The following PLEKHG1 variants were observed in gnomAD, a reference collection of about 807,000 sequenced individuals.
PLEKHG1 encodes the protein pleckstrin homology domain-containing family G member 1.
In PLEKHG1, 44 loss-of-function variants were observed where a neutral mutation model predicts 100.8. The observed-to-expected ratio is 0.44, with a 90% CI of 0.34 to 0.56. The LOEUF (loss-of-function observed/expected upper bound fraction) is 0.56. PLEKHG1 is among the 20% of genes least tolerant of loss of function. The pLI, the probability that PLEKHG1 is intolerant of heterozygous loss-of-function variation, is 0.01. For synonymous variants in PLEKHG1, 640 were observed against 662.5 expected (o/e 0.97, Z 0.52); for missense variants, 1,545 against 1,720.9 (o/e 0.90, Z 1.81).
chr6:150,686,093 C>G (rs1012431516), intron 3 of PLEKHG1, among the ~76,000 whole-genome samples: 1 of 152,228 alleles, frequency 6.6e-6, no homozygotes, highest in African/African-American at 2.4e-5. Flanking sequence ...GCACCTGGCA[C>G]CTGACCAGTA....
Position 150,614,995 on chromosome 6 carries a change from G to A in PLEKHG1, c.-204+14978G>A, listed in dbSNP as rs111405973. Among the ~76,000 whole-genome samples, 12 of 152,260 alleles carry A rather than the reference G, an allele frequency of 7.9e-5. No individual in the cohort carries two copies. In the South Asian group the frequency reaches 8.3e-4, roughly 11 times the overall value. On this transcript the variant is annotated intron_variant, in intron 1 of 3. Coordinates refer to the PLEKHG1 transcript ENST00000367326. ...TAGAGCTGTATTCCTAAAAACCTCCGAATGAATGACCGAATTACCCTTTAG... is the reference window on the plus strand; with the variant it reads ...TAGAGCTGTATTCCTAAAAACCTCCAAATGAATGACCGAATTACCCTTTAG...
intron 3 of PLEKHG1, among the ~76,000 whole-genome samples, chr6:150,659,375 G>C (rs1367882308): frequency 6.6e-6 from 1 of 152,134 alleles, no homozygotes; most frequent in Non-Finnish European, 1.5e-5. Context: ...ATTGGAGTCA[G>C]TGTGAAAGGA....
chr6:150,680,256 A>G (rs1779887717), intron 3 of PLEKHG1, among the ~76,000 whole-genome samples: 1 of 152,210 alleles, frequency 6.6e-6, no homozygotes, highest in African/African-American at 2.4e-5. Flanking sequence ...CAAGTGAATT[A>G]AGAAGTAAAG....
At chr6:150,744,463 AAAAC>A (rs1783044407) in intron 2 of PLEKHG1, among the ~76,000 whole-genome samples, 1 of 152,246 alleles carries the variant, frequency 6.6e-6, no homozygotes, top group Non-Finnish European at 1.5e-5. Context: ...GCAGTTAAAA[AAAAC>A]AAATTATTAA....
At chr6:150,773,633 T>A (rs1300801290) in intron 3 of PLEKHG1, among the ~76,000 whole-genome samples, 1 of 152,256 alleles carries the variant, frequency 6.6e-6, no homozygotes, top group East Asian at 1.9e-4. Context: ...ACTCCTCTGA[T>A]GATCAAGCCC....
intron 3 of PLEKHG1, chr6:150,663,979 T>C (rs369947670): frequency 2.4e-4 from 36 of 152,226 alleles, no homozygotes; most frequent in African/African-American, 8.4e-4. Flanking sequence ...ATAGCAACTC[T>C]TACTCAAATT....
At chr6:150,809,268 C>T (rs1402322949) in exon 8 of PLEKHG1, 4 of 1,614,064 alleles carry the variant, frequency 2.5e-6, no homozygotes, top group East Asian at 4.5e-5. Context: ...GACACGTTTA[C>T]ATACAAAGCT....
At chr6:150,756,518 A>C (rs1259099576) in intron 2 of PLEKHG1, among the ~76,000 whole-genome samples, 1 of 152,142 alleles carries the variant, frequency 6.6e-6, no homozygotes, top group Non-Finnish European at 1.5e-5. Flanking sequence ...TGCCTTGACA[A>C]ACCGCCCATA....
chr6:150,811,589 A>C (rs1336530573), intron 10 of PLEKHG1, among the ~76,000 whole-genome samples: 2 of 151,818 alleles, frequency 1.3e-5, no homozygotes, highest in Non-Finnish European at 2.9e-5. Flanking sequence ...TATTTTTATT[A>C]AGTGGGAAAA....
chr6:150,828,078 A>G, intron 14 of PLEKHG1: 1 of 1,613,034 alleles, frequency 6.2e-7, no homozygotes, highest in East Asian at 2.2e-5. Flanking sequence ...TGGACTTGCC[A>G]GGAAGTTTCC....
chr6:150,786,518 A>AT (rs1457885081), intron 4 of PLEKHG1, 59 bp downstream of exon 5: 1 of 1,105,062 alleles, frequency 9.0e-7, no homozygotes, highest in African/African-American at 1.6e-5. Flanking sequence ...AGAATTTTTC[A>AT]TTTTAAAGTT....
At chr6:150,799,045 A>G (rs563053105) in intron 5 of PLEKHG1, among the ~76,000 whole-genome samples, 4 of 151,544 alleles carry the variant, frequency 2.6e-5, no homozygotes, top group East Asian at 3.9e-4. Context: ...CTGGTGAGAA[A>G]GTTGTCTTTA....
intron 3 of PLEKHG1, among the ~76,000 whole-genome samples, chr6:150,667,153 G>A (rs961267796): frequency 5.9e-5 from 9 of 152,084 alleles, no homozygotes; most frequent in African/African-American, 2.2e-4. Flanking sequence ...AAATCATATA[G>A]CATGAAAACT....
At position 150,734,829 on chromosome 6, in the gene PLEKHG1, A is replaced by G. The variant is rs78275134; in HGVS notation, c.411+737A>G. ...AAATTATTTCATGTGAATTGAGCTC[A>G]GCTTATGTGCCAGGTCACATCCTCT... On this transcript the variant is annotated intron_variant, in intron 2 of 15. Transcript: ENST00000358517. 9.9e-5 allele frequency among the ~76,000 whole-genome samples: 15 copies of G among 152,274 alleles called. No homozygotes were observed. The East Asian group carries it at 2.9e-3, about 29-fold the overall frequency.
intron 3 of PLEKHG1, among the ~76,000 whole-genome samples, chr6:150,703,804 C>G (rs2069940788): frequency 6.6e-6 from 1 of 152,128 alleles, no homozygotes; most frequent in African/African-American, 2.4e-5. Context: ...GTCTTGCCCT[C>G]CAGTGAATAT....
At position 150,813,315 on chromosome 6, in the gene PLEKHG1, A is replaced by C. The variant is rs534656466; in HGVS notation, c.1278+3581A>C. On this transcript the variant is annotated intron_variant, in intron 10 of 15. Coordinates refer to ENST00000358517, the Ensembl canonical transcript of PLEKHG1. ...GTGAGACTCTGTCTCAAAAAAAAAA[A>C]AAAACAAAATGGACCAGTCACTAGA... 3.9e-3 allele frequency among the ~76,000 whole-genome samples: 588 copies of C among 151,692 alleles called. 9 individuals are homozygous for C. Among genetic ancestry groups the C allele is most frequent in the South Asian group, 0.012 (59 of 4,784 alleles).
At chr6:150,717,108 T>C (rs1158147036), upstream of PLEKHG1, among the ~76,000 whole-genome samples, 1 of 152,254 alleles carries the variant, frequency 6.6e-6, no homozygotes, top group Non-Finnish European at 1.5e-5. Flanking sequence ...TTTGGCTCAC[T>C]GCAGCCTCTG....
chr6:150,818,065 G>A (rs555508610), intron 10 of PLEKHG1, 118 bp from the exon 12 acceptor site: 100 of 814,086 alleles, frequency 1.2e-4, no homozygotes, highest in Admixed American at 7.7e-4. Context: ...CATAAATAGC[G>A]AGTTTTTAAA....
chr6:150,803,798 A>G, intron 6 of PLEKHG1, among the ~76,000 whole-genome samples: 1 of 152,142 alleles, frequency 6.6e-6, no homozygotes, highest in Non-Finnish European at 1.5e-5. Context: ...AGTCTGTTAA[A>G]TATTAAGGTC....
Sources: gnomAD v4.1 joint callset for allele counts (sites outside exome capture counted in the v4.1 genomes callset) on GRCh38, gnomAD v4.1.1 for gene constraint, MANE v1.5 for transcripts, NCBI Gene and HGNC (gene_info 2026-07-23, HGNC 2026-07-21) for gene names.